The following MACROD2 variants were observed in gnomAD, a reference collection of about 807,000 sequenced individuals.
MACROD2 encodes ADP-ribose glycohydrolase MACROD2.
In MACROD2, 36 loss-of-function variants were observed where a neutral mutation model predicts 70.4. That is an observed-to-expected ratio of 0.51 (90% CI 0.39 to 0.68). MACROD2 has a LOEUF of 0.68. MACROD2 is among the 30% of genes least tolerant of loss of function. MACROD2 has a pLI of 0.00. For missense variants in MACROD2, 496 were observed against 538.4 expected (o/e 0.92, Z 0.78); for synonymous variants, 172 against 178.8 (o/e 0.96, Z 0.30).
chr20:15,669,736 G>A (rs988879615), intron 8 of MACROD2, among the ~76,000 whole-genome samples: 9 of 152,146 alleles, frequency 5.9e-5, no homozygotes, highest in African/African-American at 2.2e-4. Flanking sequence ...TGCCAAAGCC[G>A]AGGTAATGTC....
At chr20:14,376,015 CAAAT>C (rs2083367363) in intron 3 of MACROD2, among the ~76,000 whole-genome samples, 1 of 152,078 alleles carries the variant, frequency 6.6e-6, no homozygotes. Flanking sequence ...ATTTTGTAAT[CAAAT>C]AAAATATCAG....
At chr20:14,549,123 C>G (rs763072725) in intron 4 of MACROD2, among the ~76,000 whole-genome samples, 1 of 152,160 alleles carries the variant, frequency 6.6e-6, no homozygotes, top group Non-Finnish European at 1.5e-5. Flanking sequence ...GGCAGTGCAC[C>G]AGCAATGACT....
chr20:15,749,175 A>C (rs911066913), intron 8 of MACROD2, among the ~76,000 whole-genome samples: 1 of 152,044 alleles, frequency 6.6e-6, no homozygotes, highest in Non-Finnish European at 1.5e-5. Context: ...GAATATCTTA[A>C]ATTGTTTTTT....
intron 4 of MACROD2, among the ~76,000 whole-genome samples, chr20:14,641,775 C>T (rs1176709838): frequency 6.6e-6 from 1 of 152,190 alleles, no homozygotes; most frequent in Admixed American, 6.6e-5. Context: ...ATGCTGTAAG[C>T]AGATATGCTG....
intron 5 of MACROD2, among the ~76,000 whole-genome samples, chr20:14,782,177 G>A (rs1405869097): frequency 1.3e-5 from 2 of 151,900 alleles, no homozygotes; most frequent in Non-Finnish European, 2.9e-5. Flanking sequence ...GCCTGATTTG[G>A]CCTCCCAAAG....
chr20:14,918,431 GA>G (rs1329842215), intron 5 of MACROD2, among the ~76,000 whole-genome samples: 1 of 152,160 alleles, frequency 6.6e-6, no homozygotes, highest in Non-Finnish European at 1.5e-5. Flanking sequence ...GCAACCGGAG[GA>G]GGGATTGGCC....
intron 3 of MACROD2, among the ~76,000 whole-genome samples, chr20:14,172,735 C>T (rs761121410): frequency 3.5e-4 from 53 of 152,046 alleles, no homozygotes; most frequent in African/African-American, 8.0e-4. Flanking sequence ...ATTGTGTTTT[C>T]GTCTTATAGG....
intron 4 of MACROD2, among the ~76,000 whole-genome samples, chr20:14,575,708 T>C (rs941893190): frequency 1.3e-5 from 2 of 152,238 alleles, no homozygotes; most frequent in African/African-American, 2.4e-5. Context: ...AAAATTTTAA[T>C]ATTCATTATT....
chr20:15,750,405 G>A (rs1262849770), intron 8 of MACROD2, among the ~76,000 whole-genome samples: 1 of 151,850 alleles, frequency 6.6e-6, no homozygotes, highest in Non-Finnish European at 1.5e-5. Context: ...CTGTTGGTGG[G>A]CTTGTCCTCG....
At position 15,451,417 on chromosome 20, in the gene MACROD2, TAAAAAAAAAA is replaced by T. The variant is rs35308671; in HGVS notation, c.571+19999_571+20008del. ...AGCAAATCTCCTGAAGGGTGGTAAA[TAAAAAAAAAA>T]AAAAAAAAAAAAAAAAGAGTCACCT... is the stretch of plus-strand genomic sequence containing the variant. On this transcript the variant is annotated intron_variant, in intron 7 of 17. Coordinates refer to ENST00000684519, the MANE Select transcript of MACROD2 (RefSeq NM_001351661.2). Among the ~76,000 whole-genome samples, 159 of 83,386 alleles carry T rather than the reference TAAAAAAAAAA, an allele frequency of 1.9e-3. 1 individual carries two copies. Among genetic ancestry groups the T allele is most frequent in the African/African-American group, 6.5e-3 (145 of 22,410 alleles). The allele number at this position is 83,386 out of a possible 152,430, so 54.7% of individuals were successfully genotyped here.
intron 6 of MACROD2, among the ~76,000 whole-genome samples, chr20:15,419,503 A>G (rs1193526533): frequency 2.0e-5 from 3 of 152,134 alleles, no homozygotes; most frequent in African/African-American, 2.4e-5. Context: ...AGCTCCTGCA[A>G]TCAGCCCTGT....
At chr20:14,479,100 G>A (rs947491199) in intron 3 of MACROD2, among the ~76,000 whole-genome samples, 1 of 152,056 alleles carries the variant, frequency 6.6e-6, no homozygotes, top group Admixed American at 6.6e-5. Context: ...TCTCAGGCCT[G>A]GTGGAAAAGA....
chr20:14,007,054 G>A (rs1213731725), intron 2 of MACROD2, among the ~76,000 whole-genome samples: 2 of 152,092 alleles, frequency 1.3e-5, no homozygotes, highest in South Asian at 4.1e-4. Context: ...CTGGTGTAAA[G>A]TTCTCTGACA....
At chr20:14,593,679 A>G (rs1385254948) in intron 4 of MACROD2, among the ~76,000 whole-genome samples, 1 of 152,168 alleles carries the variant, frequency 6.6e-6, no homozygotes, top group Non-Finnish European at 1.5e-5. Context: ...TTTACTTATT[A>G]ATTCAACTAA....
chr20:14,597,042 C>T (rs1982191090), intron 4 of MACROD2, among the ~76,000 whole-genome samples: 1 of 152,108 alleles, frequency 6.6e-6, no homozygotes, highest in Non-Finnish European at 1.5e-5. Context: ...ACCGTTTTAT[C>T]TTACAAATAT....
chr20:14,058,636 T>C (rs1209386495), intron 2 of MACROD2, among the ~76,000 whole-genome samples: 4 of 151,298 alleles, frequency 2.6e-5, no homozygotes, highest in Non-Finnish European at 4.4e-5. Flanking sequence ...TTTTTCTTTT[T>C]TCCTTTTACC....
At chr20:14,165,892 A>T (rs1462104317) in intron 3 of MACROD2, among the ~76,000 whole-genome samples, 1 of 152,214 alleles carries the variant, frequency 6.6e-6, no homozygotes, top group Non-Finnish European at 1.5e-5. Context: ...GTAAGTCCTC[A>T]CTAGGGCATT....
chr20:14,177,421 A>G (rs905611375), intron 3 of MACROD2, among the ~76,000 whole-genome samples: 8 of 151,598 alleles, frequency 5.3e-5, no homozygotes, highest in African/African-American at 1.2e-4. Context: ...GGTTCAAGCA[A>G]TTCTCCTGCC....
intron 5 of MACROD2, among the ~76,000 whole-genome samples, chr20:14,776,135 A>G (rs2072231162): frequency 6.6e-6 from 1 of 152,022 alleles, no homozygotes; most frequent in African/African-American, 2.4e-5. Context: ...ACAAACCTGA[A>G]CCCATACAGG....
Sources: allele counts gnomAD v4.1 joint callset (sites outside exome capture counted in the v4.1 genomes callset), GRCh38; gene constraint gnomAD v4.1.1; transcripts MANE v1.5; gene names NCBI Gene and HGNC (gene_info 2026-07-23, HGNC 2026-07-21).